CSGALNACT2: variants seen among roughly 807,000 people sequenced by gnomAD.
CSGALNACT2 encodes the protein beta 4 GalNAcT-2.
In CSGALNACT2, 35 loss-of-function variants were observed where a neutral mutation model predicts 55.3. The ratio of observed to expected loss-of-function variants is 0.63; its 90% CI spans 0.48 to 0.84. The LOEUF is 0.84. Among genes scored for constraint, CSGALNACT2 ranks in the 40% least tolerant of loss-of-function variants. The probability of loss-of-function intolerance (pLI) is 0.00; values close to 1 mark genes in which losing one functional copy is unlikely to be tolerated. For synonymous variants in CSGALNACT2, 196 were observed against 224.9 expected, an observed-to-expected ratio of 0.87 and a Z score of 1.15; for missense variants, 544 against 657.5, an observed-to-expected ratio of 0.83 and a Z score of 1.89.
chr10:43,148,720 G>A (rs1554821871), intron 1 of CSGALNACT2, among the ~76,000 whole-genome samples: 1 of 151,676 alleles, frequency 6.6e-6, no homozygotes, highest in Non-Finnish European at 1.5e-5. Context: ...ATTGATTTTT[G>A]TATATCGATA....
chr10:43,144,813 C>T (rs1838708147), intron 1 of CSGALNACT2, among the ~76,000 whole-genome samples: 1 of 152,150 alleles, frequency 6.6e-6, no homozygotes, highest in Non-Finnish European at 1.5e-5. Context: ...CCTGGTACCA[C>T]CTCCCACAGG....
At chr10:43,175,902 T>A (rs1475853359) in intron 6 of CSGALNACT2, 49 bp from the exon 7 acceptor site, 1 of 1,488,138 alleles carries the variant, frequency 6.7e-7, no homozygotes, top group Non-Finnish European at 9.2e-7. Context: ...TTAAAACTTC[T>A]GCTTCTTATG....
At chr10:43,144,585 T>C (rs1441716024) in intron 1 of CSGALNACT2, among the ~76,000 whole-genome samples, 1 of 152,168 alleles carries the variant, frequency 6.6e-6, no homozygotes, top group East Asian at 1.9e-4. Context: ...GTTGTTGTTT[T>C]ACAAATGCCT....
At chr10:43,149,144 G>C (rs190816962) in intron 1 of CSGALNACT2, among the ~76,000 whole-genome samples, 1 of 152,152 alleles carries the variant, frequency 6.6e-6, no homozygotes, top group African/African-American at 2.4e-5. Context: ...GTGCAGTGGC[G>C]TGATCTCGGC....
intron 4 of CSGALNACT2, chr10:43,162,768 C>G: frequency 1.1e-6 from 1 of 910,250 alleles, no homozygotes; most frequent in Non-Finnish European, 1.3e-6. Flanking sequence ...TTCTCTCCAG[C>G]CCTAGCATCT....
At chr10:43,151,830 T>C (rs1838881695) in intron 1 of CSGALNACT2, among the ~76,000 whole-genome samples, 1 of 152,224 alleles carries the variant, frequency 6.6e-6, no homozygotes, top group African/African-American at 2.4e-5. Flanking sequence ...GTTTCTTGTT[T>C]CTCTGGGGAT....
intron 5 of CSGALNACT2, among the ~76,000 whole-genome samples, chr10:43,165,167 G>A (rs919481789): frequency 1.2e-4 from 19 of 152,156 alleles, no homozygotes; most frequent in Admixed American, 4.6e-4. Context: ...GGAGCTTGCA[G>A]TGAGCTGAGA....
At chr10:43,162,366 G>A (rs1839168982) in intron 4 of CSGALNACT2, 3 of 1,210,158 alleles carry the variant, frequency 2.5e-6, no homozygotes, top group South Asian at 2.5e-5. Context: ...GCCAGGTTGG[G>A]TGGGGGTATT....
intron 7 of CSGALNACT2, among the ~76,000 whole-genome samples, chr10:43,181,421 GCCAGA>G (rs2133160157): frequency 6.6e-6 from 1 of 152,322 alleles, no homozygotes; most frequent in East Asian, 1.9e-4. Context: ...CTCCAGGCAT[GCCAGA>G]CCAGAAACTG....
rs1233537516 is a variant in CSGALNACT2, at chr10:43,184,065, C to T, written c.*523C>T. The stretch of plus-strand genomic sequence containing the variant: ...TAATTAATTGACACATCTGAAATCC[C>T]CAATCAATCAATCAAGAGAAAGGTA... On this transcript the variant is annotated 3_prime_UTR_variant, in exon 8 of 8. Transcript: ENST00000374466. 1.3e-5 allele frequency: 2 copies of T among 153,742 alleles called. No homozygotes were observed. Among genetic ancestry groups the T allele is most frequent in the Non-Finnish European group, 2.9e-5 (2 of 69,118 alleles). 9.5% of individuals were successfully genotyped at this position (153,742 alleles called of 1,614,324 possible). A position where few individuals can be genotyped will look rare whatever the true frequency, so the allele number is the denominator to read the frequency against.
chr10:43,165,267 T>G (rs1475159134), intron 5 of CSGALNACT2, among the ~76,000 whole-genome samples: 1 of 151,960 alleles, frequency 6.6e-6, no homozygotes, highest in East Asian at 1.9e-4. Flanking sequence ...ATGAGTAAGT[T>G]GAGGAAATCT....
At chr10:43,169,568 T>C (rs1335965996) in intron 6 of CSGALNACT2, among the ~76,000 whole-genome samples, 1 of 152,132 alleles carries the variant, frequency 6.6e-6, no homozygotes, top group Non-Finnish European at 1.5e-5. Context: ...ACAACCCAAC[T>C]GGACACGTAA....
rs116537572 is a variant in CSGALNACT2 at position 43,153,863 on chromosome 10, A to G, written c.-253-1034A>G. Among the ~76,000 whole-genome samples, 586 of 152,334 alleles carry G rather than the reference A, an allele frequency of 3.8e-3. 1 individual carries two copies. Among genetic ancestry groups the G allele is most frequent in the African/African-American group, 0.013 (522 of 41,568 alleles). ...GGTTTTTGAATTTTTTTCTCTGCTGATAAGGATGATTAAATTCTTCATGTT... is the reference window on the plus strand; with the variant it reads ...GGTTTTTGAATTTTTTTCTCTGCTGGTAAGGATGATTAAATTCTTCATGTT... On this transcript the variant is annotated intron_variant, in intron 1 of 7. Coordinates refer to ENST00000374466, the MANE Select transcript of CSGALNACT2 (RefSeq NM_018590.5).
At chr10:43,168,595 T>C (rs929037525) in intron 6 of CSGALNACT2, among the ~76,000 whole-genome samples, 1 of 152,076 alleles carries the variant, frequency 6.6e-6, no homozygotes, top group Non-Finnish European at 1.5e-5. Flanking sequence ...GCAGGTAATA[T>C]TAGCACCATA....
Position 43,155,591 on chromosome 10 carries a change from T to C in CSGALNACT2, c.442T>C (p.Phe148Leu), listed in dbSNP as rs1488260031. The change falls in exon 2 of 8, where the codon TTT (phenylalanine) becomes CTT (leucine). Residue 148 changes from phenylalanine to leucine, a missense_variant. Transcript: ENST00000374466. ...ACCCAGTGAGTATGGGGTCATTCCCTTTGAAAGTTTTACCTTAATGAAAGT... is the reference window on the plus strand; with the variant it reads ...ACCCAGTGAGTATGGGGTCATTCCCCTTGAAAGTTTTACCTTAATGAAAGT... ...KLPSEYGVIP[F>L]ESFTLMKVFQ... is the part of the protein sequence containing the mutation. 6.2e-7 allele frequency: 1 copy of C among 1,614,210 alleles called. No homozygotes were observed.
At chr10:43,166,856 A>G (rs1839275463) in intron 5 of CSGALNACT2, 148 bp from the exon 6 acceptor site, 1 of 508,370 alleles carries the variant, frequency 2.0e-6, no homozygotes, top group South Asian at 2.9e-5. Context: ...CATATTCATC[A>G]AATTAACATG....
intron 6 of CSGALNACT2, among the ~76,000 whole-genome samples, chr10:43,173,758 C>T (rs527838195): frequency 6.6e-5 from 10 of 152,078 alleles, no homozygotes; most frequent in African/African-American, 1.7e-4. Flanking sequence ...TTTGGGATGC[C>T]GAGGTGGGTG....
intron 6 of CSGALNACT2, among the ~76,000 whole-genome samples, chr10:43,174,925 G>A (rs528508058): frequency 6.6e-6 from 1 of 152,264 alleles, no homozygotes; most frequent in Admixed American, 6.5e-5. Flanking sequence ...GGTTTATCAG[G>A]CTTCAACTTG....
At chr10:43,170,005 C>G (rs1001643175) in intron 6 of CSGALNACT2, among the ~76,000 whole-genome samples, 1 of 152,070 alleles carries the variant, frequency 6.6e-6, no homozygotes, top group African/African-American at 2.4e-5. Flanking sequence ...CCTTTGTAAT[C>G]GAGTCCAGCA....
Sources: allele counts gnomAD v4.1 joint callset (sites outside exome capture counted in the v4.1 genomes callset), GRCh38; gene constraint gnomAD v4.1.1; transcripts MANE v1.5; gene names NCBI Gene and HGNC (gene_info 2026-07-23, HGNC 2026-07-21).